PCDHA4: variants seen among roughly 807,000 people sequenced by gnomAD.
The protein encoded by PCDHA4 is protocadherin alpha 4.
PCDHA4 carries 49 observed loss-of-function variants against 61.4 expected under a neutral mutation model. The ratio of observed to expected loss-of-function variants is 0.80; its 90% CI spans 0.63 to 1.01. The LOEUF is 1.01. Ranked by LOEUF, PCDHA4 falls within the 50% of genes least tolerant of loss-of-function variation. The pLI, the probability that PCDHA4 is intolerant of heterozygous loss-of-function variation, is 0.00. For missense variants in PCDHA4, 1,254 were observed against 1,235.8 expected, an observed-to-expected ratio of 1.01 and a Z score of -0.22; for synonymous variants, 590 against 550.3, an observed-to-expected ratio of 1.07 and a Z score of -1.01.
In PCDHA4 at chr5:140,824,615, T is replaced by TG. The variant is rs1195516924; in HGVS notation, c.2385+15043_2385+15044insG. 2.4e-5 allele frequency: 3 copies of TG among 126,010 alleles called. No individual in the cohort carries two copies. The East Asian group carries it at 6.2e-4, about 26-fold the overall frequency. 7.8% of individuals were successfully genotyped at this position (126,010 alleles called of 1,614,324 possible). On this transcript the variant is annotated intron_variant, in intron 1 of 3. Transcript: ENST00000530339. ...ACATGCACATGCTAATTAAAGTTTT[T>TG]TTTTTTTTTTTTTTTTTATTTTCTG...
At chr5:140,883,834 G>A (rs891069385) in intron 1 of PCDHA4, 1 of 1,612,658 alleles carries the variant, frequency 6.2e-7, no homozygotes, top group Non-Finnish European at 8.5e-7. Context: ...CGCTGCAGCC[G>A]TTGGACCACG....
At chr5:140,817,165 G>T (rs181972981) in intron 1 of PCDHA4, 62 of 152,324 alleles carry the variant, frequency 4.1e-4, no homozygotes, top group African/African-American at 1.5e-3. Flanking sequence ...TCTGAGATAT[G>T]CAAGACAGCT....
At chr5:140,825,229 A>G (rs1768482115) in intron 1 of PCDHA4, 1 of 151,364 alleles carries the variant, frequency 6.6e-6, no homozygotes, top group Admixed American at 6.6e-5. Context: ...TTTTTCTTTT[A>G]TCTGGATCTA....
chr5:140,882,577 C>T (rs370671644), intron 1 of PCDHA4: 45 of 1,614,120 alleles, frequency 2.8e-5, no homozygotes, highest in East Asian at 1.3e-4. Flanking sequence ...CGGAGTGCAG[C>T]ATCCACCTGG....
intron 1 of PCDHA4, among the ~76,000 whole-genome samples, chr5:140,954,191 G>C (rs201162017): frequency 2.0e-5 from 3 of 152,150 alleles, no homozygotes; most frequent in Non-Finnish European, 4.4e-5. Flanking sequence ...TCATTGATGG[G>C]CATTTGGGTT....
chr5:140,836,649 C>T (rs2150266865), intron 1 of PCDHA4: 10 of 1,613,466 alleles, frequency 6.2e-6, no homozygotes, highest in Non-Finnish European at 8.5e-6. Flanking sequence ...GCAGAGGCGG[C>T]AGAGGGTGTG....
At chr5:140,958,343 T>C (rs904666839) in intron 1 of PCDHA4, among the ~76,000 whole-genome samples, 2 of 152,144 alleles carry the variant, frequency 1.3e-5, no homozygotes, top group African/African-American at 4.8e-5. Flanking sequence ...TCACAGGAAG[T>C]TCACAGTCTG....
At chr5:140,836,935 T>C in intron 1 of PCDHA4, 1 of 475,564 alleles carries the variant, frequency 2.1e-6, no homozygotes. Context: ...CGTAATACTA[T>C]AGATCAAAAT....
rs371868883 is a variant in PCDHA4 at position 140,856,649 on chromosome 5, C to A, written c.2385+47077C>A. ...GCTTGTTCTGCGGAAGCTGCTGGAT[C>A]GTGAAGAAAATCCTCAGCTAAAGTT... On this transcript the variant is annotated intron_variant, in intron 1 of 3. Transcript: ENST00000530339. 8 of 1,598,072 alleles carry A rather than the reference C, an allele frequency of 5.0e-6. 2 individuals carry two copies. The African/African-American group carries it at 6.7e-5, about 13-fold the overall frequency.
At chr5:140,969,359 C>A (rs1554231722) in intron 1 of PCDHA4, 2 of 1,611,118 alleles carry the variant, frequency 1.2e-6, no homozygotes, top group Admixed American at 3.4e-5. Flanking sequence ...GGGTCTTCTA[C>A]AAACTCATGC....
chr5:140,828,995 A>G lies in PCDHA4; in HGVS notation c.2385+19423A>G, dbSNP rs2150161730. ...TAGCATAGATCGAAATACGGGAGAA[A>G]TAGTGATTCGGGGTAATTTGGATTT... is the stretch of plus-strand genomic sequence containing the variant. On this transcript the variant is annotated intron_variant, in intron 1 of 3. Coordinates refer to ENST00000530339, the MANE Select transcript of PCDHA4 (RefSeq NM_018907.4). The G allele has an allele frequency of 1.2e-6, 2 of 1,614,068 alleles. No individual in the cohort carries two copies. The highest frequency in any genetic ancestry group is 1.7e-6 in the Non-Finnish European group (2 of 1,179,918).
At chr5:140,927,915 C>T (rs200890211) in intron 1 of PCDHA4, 7 of 1,614,120 alleles carry the variant, frequency 4.3e-6, no homozygotes, top group Admixed American at 3.3e-5. Context: ...CCGAACTGGA[C>T]TTCCTGACTC....
At chr5:140,878,855 T>C (rs905851216) in intron 1 of PCDHA4, among the ~76,000 whole-genome samples, 3 of 152,250 alleles carry the variant, frequency 2.0e-5, no homozygotes, top group Admixed American at 6.5e-5. Context: ...TGGGTTCAAC[T>C]GATCCTCCAT....
intron 1 of PCDHA4, chr5:140,926,693 C>G (rs576013331): frequency 3.9e-4 from 291 of 742,942 alleles, no homozygotes; most frequent in Non-Finnish European, 5.0e-4. Flanking sequence ...CTAGCAAGCC[C>G]GGCTCCCAGC....
chr5:140,849,741 G>A, intron 1 of PCDHA4: 2 of 1,598,488 alleles, frequency 1.3e-6, no homozygotes, highest in Non-Finnish European at 8.6e-7. Context: ...TCTGGACCGC[G>A]AGAGTGTGTC....
intron 1 of PCDHA4, among the ~76,000 whole-genome samples, chr5:140,826,640 G>A (rs1234155736): frequency 5.3e-5 from 8 of 152,114 alleles, no homozygotes; most frequent in African/African-American, 1.4e-4. Flanking sequence ...ACTTTTATAT[G>A]AAGGTAACAT....
intron 3 of PCDHA4, among the ~76,000 whole-genome samples, chr5:141,007,772 G>T (rs1384054820): frequency 6.6e-6 from 1 of 152,122 alleles, no homozygotes; most frequent in Non-Finnish European, 1.5e-5. Context: ...GCCTGGAAAT[G>T]GTACTGCTTT....
intron 2 of PCDHA4, among the ~76,000 whole-genome samples, chr5:140,981,637 C>A (rs1229068909): frequency 6.6e-6 from 1 of 152,150 alleles, no homozygotes; most frequent in Non-Finnish European, 1.5e-5. Context: ...TGGACATTTT[C>A]TCTTAGGATC....
chr5:141,006,357 G>A (rs1296731156), intron 3 of PCDHA4, among the ~76,000 whole-genome samples: 1 of 151,914 alleles, frequency 6.6e-6, no homozygotes, highest in Middle Eastern at 3.4e-3. Context: ...GACTATAGGC[G>A]CCCACCACCA....
Sources: gnomAD v4.1 joint callset for allele counts (sites outside exome capture counted in the v4.1 genomes callset) on GRCh38, gnomAD v4.1.1 for gene constraint, MANE v1.5 for transcripts, NCBI Gene and HGNC (gene_info 2026-07-23, HGNC 2026-07-21) for gene names.